The following MPRIP variants were observed in gnomAD, a reference collection of about 807,000 sequenced individuals.
MPRIP encodes myosin phosphatase Rho interacting protein, also known as myosin phosphatase Rho-interacting protein.
In MPRIP, 59 loss-of-function variants were observed where a neutral mutation model predicts 234.9. The observed-to-expected ratio is 0.25, with a 90% CI of 0.20 to 0.31. The LOEUF is 0.31. Among genes scored for constraint, MPRIP ranks in the 10% least tolerant of loss-of-function variants. The pLI, the probability that MPRIP is intolerant of heterozygous loss-of-function variation, is 1.00. For missense variants in MPRIP, 2,436 were observed against 3,071.0 expected, an observed-to-expected ratio of 0.79 and a Z score of 4.89; for synonymous variants, 1,144 against 1,263.9, an observed-to-expected ratio of 0.91 and a Z score of 2.01.
intron 6 of MPRIP, 94 bp downstream of exon 6, chr17:17,136,544 A>T: frequency 8.1e-7 from 1 of 1,240,528 alleles, no homozygotes; most frequent in Non-Finnish European, 1.1e-6. Flanking sequence ...TGTAGAGCCC[A>T]GTCGCAAGCC....
At chr17:17,064,207 T>G (rs1178014762) in intron 1 of MPRIP, among the ~76,000 whole-genome samples, 1 of 117,954 alleles carries the variant, frequency 8.5e-6, no homozygotes, top group Non-Finnish European at 1.9e-5. Flanking sequence ...TTTTGTTTTG[T>G]TTTTTTTTTT....
chr17:17,107,351 C>T (rs750439441), intron 3 of MPRIP, among the ~76,000 whole-genome samples: 12 of 152,218 alleles, frequency 7.9e-5, no homozygotes, highest in Admixed American at 2.6e-4. Context: ...CTGGGCAGGG[C>T]GGGGACTTCA....
intron 3 of MPRIP, among the ~76,000 whole-genome samples, chr17:17,089,397 A>G (rs2089663455): frequency 6.6e-6 from 1 of 152,092 alleles, no homozygotes; most frequent in Admixed American, 6.5e-5. Context: ...TCCTGTCATC[A>G]CATTTCCTTA....
At chr17:17,175,996 T>C (rs2080206649) in intron 20 of MPRIP, among the ~76,000 whole-genome samples, 1 of 152,188 alleles carries the variant, frequency 6.6e-6, no homozygotes, top group Non-Finnish European at 1.5e-5. Flanking sequence ...CTTGGTGTGA[T>C]CAGCTCCTGC....
chr17:17,073,739 G>C (rs550478164), intron 1 of MPRIP, among the ~76,000 whole-genome samples: 1 of 152,192 alleles, frequency 6.6e-6, no homozygotes, highest in Non-Finnish European at 1.5e-5. Flanking sequence ...GAGAGGCCGA[G>C]CGTGTGTGCC....
In MPRIP at chr17:17,042,858, G is replaced by A; in HGVS notation, c.10G>A (p.Ala4Thr). Reference protein sequence around the residue: MSAAKENPCRKFQA... With the variant: MSATKENPCRKFQA... ...CGCCGCCGCGCCGACCATGTCGGCAGCCAAGGAGAACCCGTGCAGGAAATT... is the reference window on the plus strand; with the variant it reads ...CGCCGCCGCGCCGACCATGTCGGCAACCAAGGAGAACCCGTGCAGGAAATT... Residue 4 changes from alanine (A) to threonine (T), a missense_variant, in exon 1 of 24, where the codon GCC becomes ACC. Transcript: ENST00000651222. 3 of 1,580,098 alleles carry A rather than the reference G, an allele frequency of 1.9e-6. No individual in the cohort carries two copies. The highest frequency in any genetic ancestry group is 2.3e-4 in the Middle Eastern group (1 of 4,348).
chr17:17,159,753 C>T (rs764085213), intron 14 of MPRIP, among the ~76,000 whole-genome samples: 11 of 152,160 alleles, frequency 7.2e-5, no homozygotes, highest in Non-Finnish European at 1.2e-4. Flanking sequence ...TGTAGAACTC[C>T]CTGTTTCACT....
chr17:17,055,797 C>T (rs982195406), intron 1 of MPRIP, among the ~76,000 whole-genome samples: 11 of 152,166 alleles, frequency 7.2e-5, no homozygotes, highest in Admixed American at 2.0e-4. Flanking sequence ...TTTTCCTATA[C>T]GGAAATTGCT....
intron 1 of MPRIP, among the ~76,000 whole-genome samples, chr17:17,072,489 A>G (rs1280028238): frequency 6.6e-6 from 1 of 152,206 alleles, no homozygotes; most frequent in Non-Finnish European, 1.5e-5. Context: ...CAATGTAATT[A>G]CGTACATAAT....
At chr17:17,080,524 T>A (rs865915292) in intron 3 of MPRIP, among the ~76,000 whole-genome samples, 2 of 152,176 alleles carry the variant, frequency 1.3e-5, no homozygotes, top group African/African-American at 4.8e-5. Context: ...AGACCAGTGG[T>A]CCTCAGCGTC....
chr17:17,158,671 T>G lies in MPRIP; in HGVS notation c.2069T>G (p.Leu690Arg), dbSNP rs1303148587. 3 of 1,606,984 alleles carry G rather than the reference T, an allele frequency of 1.9e-6. No individual in the cohort carries two copies. The highest frequency in any genetic ancestry group is 2.5e-6 in the Non-Finnish European group (3 of 1,178,046). The change falls in exon 14 of 24, where the codon CTG becomes CGG. Residue 690 changes from leucine to arginine, a missense_variant. By Grantham distance (102) the Leu-to-Arg change is moderately radical (BLOSUM62 -2). Transcript: ENST00000651222. ...GVGPADTHEPLRPEAEPGELE... is the reference protein window; with the variant it reads ...GVGPADTHEPRRPEAEPGELE... ...GGGCCTGCTGACACCCACGAGCCCC[T>G]GCGCCCTGAGGCGGAGCCTGGGGAG...
intron 1 of MPRIP, among the ~76,000 whole-genome samples, chr17:17,073,640 TACAC>T (rs1373127896): frequency 1.3e-5 from 2 of 152,032 alleles, no homozygotes; most frequent in Non-Finnish European, 2.9e-5. Flanking sequence ...AGAGTCCAGA[TACAC>T]ACAGGGAGTT....
rs1412793466 is a variant in MPRIP, at chr17:17,165,735, A to C, written c.4144A>C (p.Ile1382Leu). 7.7e-7 allele frequency: 1 copy of C among 1,304,912 alleles called. No homozygotes were observed. Among genetic ancestry groups the C allele is most frequent in the South Asian group, 1.2e-5 (1 of 81,032 alleles). 80.8% of individuals were successfully genotyped at this position (1,304,912 alleles called of 1,614,324 possible). Residue 1382 changes from isoleucine (I) to leucine (L), a missense_variant, in exon 16 of 24, where the codon ATC becomes CTC. Ile to Leu is a conservative substitution (Grantham distance 5, BLOSUM62 2). This residue lies in a region of MPRIP where 1,998 missense variants were observed against 2,520.3 expected (regional missense o/e 0.79). Coordinates refer to ENST00000651222, the MANE Select transcript of MPRIP (RefSeq NM_001364716.4). The stretch of plus-strand genomic sequence containing the variant: ...TGGCGACTCTGACACGTACCTCTCC[A>C]TCATCCACTCCCTGGAGACCAAGCT... ...ATGDSDTYLSIIHSLETKLYV... is the reference protein window; with the variant it reads ...ATGDSDTYLSLIHSLETKLYV...
At chr17:17,080,425 C>T (rs1241543699) in intron 3 of MPRIP, among the ~76,000 whole-genome samples, 4 of 152,218 alleles carry the variant, frequency 2.6e-5, no homozygotes, top group African/African-American at 4.8e-5. Context: ...GATCCTGAGA[C>T]CTGGAGCAGG....
chr17:17,106,813 T>C (rs971334209), intron 3 of MPRIP, among the ~76,000 whole-genome samples: 5 of 152,164 alleles, frequency 3.3e-5, no homozygotes, highest in African/African-American at 1.2e-4. Flanking sequence ...GCTAGAAGGA[T>C]AGGTCTTCAA....
intron 3 of MPRIP, among the ~76,000 whole-genome samples, chr17:17,094,327 T>C (rs2089789746): frequency 6.6e-6 from 1 of 152,204 alleles, no homozygotes; most frequent in Non-Finnish European, 1.5e-5. Context: ...GGTGTTCATT[T>C]TTTAACTTTA....
At chr17:17,091,924 AACATCG>A (rs748368687) in intron 3 of MPRIP, among the ~76,000 whole-genome samples, 12 of 152,338 alleles carry the variant, frequency 7.9e-5, no homozygotes, top group South Asian at 2.1e-4. Flanking sequence ...ATTCTATATA[AACATCG>A]ACATCTGGGA....
At chr17:17,174,101 A>G (rs1365907942) in intron 19 of MPRIP, 26 bp downstream of exon 19, 4 of 1,610,108 alleles carry the variant, frequency 2.5e-6, no homozygotes, top group Non-Finnish European at 3.4e-6. Context: ...GGTGAGCCCA[A>G]GGTTAGTCAG....
chr17:17,072,000 G>T (rs1442409845), intron 1 of MPRIP, among the ~76,000 whole-genome samples: 2 of 152,162 alleles, frequency 1.3e-5, no homozygotes, highest in Non-Finnish European at 2.9e-5. Context: ...CCTCCTGCCT[G>T]CTGCCTTTTG....
Sources: allele counts gnomAD v4.1 joint callset (sites outside exome capture counted in the v4.1 genomes callset), GRCh38; gene constraint gnomAD v4.1.1; regional missense constraint gnomAD v4.1.1; transcripts MANE v1.5; gene names NCBI Gene and HGNC (gene_info 2026-07-23, HGNC 2026-07-21).